Variants in NFKB1 observed in about 807,000 individuals in gnomAD.
NFKB1 encodes nuclear factor NF-kappa-B p105 subunit.
NFKB1 carries 9 observed loss-of-function variants against 105.1 expected under a neutral mutation model. The observed-to-expected ratio is 0.09, with a 90% confidence interval of 0.05 to 0.15. The LOEUF (loss-of-function observed/expected upper bound fraction) is 0.15, where lower values mean the gene tolerates loss of function less well. Among genes scored for constraint, NFKB1 ranks in the 10% least tolerant of loss-of-function variants. NFKB1 has a pLI of 1.00. For missense variants in NFKB1, 830 were observed against 1,203.7 expected (o/e 0.69, Z 4.59); for synonymous variants, 440 against 442.2 (o/e 1.00, Z 0.06).
At chr4:102,536,206 C>G (rs1223067227) in intron 4 of NFKB1, among the ~76,000 whole-genome samples, 1 of 152,036 alleles carries the variant, frequency 6.6e-6, no homozygotes, top group East Asian at 1.9e-4. Context: ...TGTTTGCTTA[C>G]AAAAGGCATA....
chr4:102,527,267 C>T (rs758598016), intron 2 of NFKB1, among the ~76,000 whole-genome samples: 6 of 152,160 alleles, frequency 3.9e-5, no homozygotes, highest in Non-Finnish European at 5.9e-5. Context: ...TAATAAGCAG[C>T]ATCACTAGGT....
At chr4:102,579,206 C>G (rs761847488) in intron 8 of NFKB1, among the ~76,000 whole-genome samples, 167 bp downstream of exon 8, 1 of 152,084 alleles carries the variant, frequency 6.6e-6, no homozygotes, top group Non-Finnish European at 1.5e-5. Context: ...AGGTTGATGT[C>G]CAGGTTAAAT....
At chr4:102,521,625 T>A (rs567922845) in intron 1 of NFKB1, among the ~76,000 whole-genome samples, 9 of 152,310 alleles carry the variant, frequency 5.9e-5, no homozygotes, top group Non-Finnish European at 1.0e-4. Flanking sequence ...AGTGTGAATA[T>A]CTCTGATCCT....
chr4:102,504,054 G>C (rs1394372627), intron 1 of NFKB1, among the ~76,000 whole-genome samples: 1 of 152,190 alleles, frequency 6.6e-6, no homozygotes, highest in Non-Finnish European at 1.5e-5. Flanking sequence ...GTTCAGAAGA[G>C]GTGAAAGTTC....
chr4:102,544,237 T>C (rs990804600), intron 5 of NFKB1, among the ~76,000 whole-genome samples: 3 of 152,232 alleles, frequency 2.0e-5, no homozygotes, highest in Non-Finnish European at 4.4e-5. Context: ...ATAGCAGCTA[T>C]CTTTTTAAAT....
intron 23 of NFKB1, among the ~76,000 whole-genome samples, chr4:102,615,104 C>T (rs230547): frequency 0.12 from 17,621 of 152,058 alleles, 1,166 homozygotes; most frequent in East Asian, 0.28. Context: ...GCCCAACAGA[C>T]GGTATGATTC....
chr4:102,612,628 T>G (rs1728532176), intron 22 of NFKB1, 22 bp downstream of exon 22: 1 of 1,605,210 alleles, frequency 6.2e-7, no homozygotes. Flanking sequence ...CCTTACAGAT[T>G]TAGCAATTTT....
At chr4:102,612,178 C>A (rs1728483963) in intron 21 of NFKB1, 68 bp downstream of exon 21, 1 of 1,369,156 alleles carries the variant, frequency 7.3e-7, no homozygotes, top group Non-Finnish European at 1.0e-6. Context: ...AAGGGAGGAA[C>A]CAGCATTATC....
intron 9 of NFKB1, 36 bp from the exon 10 acceptor site, chr4:102,582,830 A>G: frequency 7.5e-7 from 1 of 1,334,194 alleles, no homozygotes; most frequent in East Asian, 2.3e-5. Context: ...TATTTACACT[A>G]TGTGAAATTA....
At chr4:102,556,277 A>G (rs1406765063) in intron 5 of NFKB1, among the ~76,000 whole-genome samples, 3 of 152,214 alleles carry the variant, frequency 2.0e-5, no homozygotes, top group Non-Finnish European at 4.4e-5. Context: ...AAACAGCTGG[A>G]AATTTTGCAC....
intron 23 of NFKB1, 75 bp from the exon 24 acceptor site, chr4:102,616,359 G>A (rs1290475485): frequency 1.5e-5 from 23 of 1,520,860 alleles, no homozygotes; most frequent in Non-Finnish European, 2.0e-5. Context: ...GTGGGCAAGA[G>A]TTGTCCACAG....
rs191513987 is a variant in NFKB1, at chr4:102,536,838, G to A, written c.160-1020G>A. On this transcript the variant is annotated intron_variant, in intron 4 of 23. Transcript: ENST00000226574. Reference sequence around the variant, plus strand: ...ACGTATTTTCTTTTCACCAAAAAGTGAATCTGTAAAAAGAAAATCATCTGC... The same window carrying A: ...ACGTATTTTCTTTTCACCAAAAAGTAAATCTGTAAAAAGAAAATCATCTGC... 2.6e-5 allele frequency among the ~76,000 whole-genome samples: 4 copies of A among 152,224 alleles called. No individual in the cohort carries two copies. In the East Asian group the frequency reaches 7.7e-4, roughly 29 times the overall value.
chr4:102,541,045 CTT>C (rs1427454749), intron 5 of NFKB1, among the ~76,000 whole-genome samples: 1 of 152,136 alleles, frequency 6.6e-6, no homozygotes, highest in Non-Finnish European at 1.5e-5. Flanking sequence ...GTTTCTCAAA[CTT>C]GGCATTATTG....
At chr4:102,598,560 AG>A (rs1726843234) in intron 15 of NFKB1, among the ~76,000 whole-genome samples, 1 of 152,234 alleles carries the variant, frequency 6.6e-6, no homozygotes, top group South Asian at 2.1e-4. Context: ...AACGTAACCA[AG>A]GATGTGGTAT....
intron 1 of NFKB1, among the ~76,000 whole-genome samples, chr4:102,503,735 G>A (rs949175529): frequency 6.6e-6 from 1 of 152,120 alleles, no homozygotes; most frequent in Non-Finnish European, 1.5e-5. Flanking sequence ...TGATTGAGTT[G>A]ATTAAAGCAC....
At chr4:102,601,369 A>G (rs1424831171) in intron 16 of NFKB1, among the ~76,000 whole-genome samples, 3 of 152,246 alleles carry the variant, frequency 2.0e-5, no homozygotes, top group African/African-American at 7.2e-5. Flanking sequence ...CCAGTAATTT[A>G]TAATAATTTT....
At chr4:102,587,868 A>ACT (rs1560698901) in intron 11 of NFKB1, among the ~76,000 whole-genome samples, 1 of 151,942 alleles carries the variant, frequency 6.6e-6, no homozygotes, top group African/African-American at 2.4e-5. Context: ...TCAGAAAAGT[A>ACT]GTAGGCCATT....
Position 102,539,062 on chromosome 4 carries a change from C to T in NFKB1, c.258+1106C>T, listed in dbSNP as rs535978241. ...GACCAGCCTGGCCAATATGGTGAAA[C>T]CCCATCTCTACTAAAAATACAAAAA... On this transcript the variant is annotated intron_variant, in intron 5 of 23. Transcript: ENST00000226574. Among the ~76,000 whole-genome samples, 22 of 151,918 alleles carry T rather than the reference C, an allele frequency of 1.4e-4. No homozygotes were observed. The South Asian group carries it at 3.7e-3, about 26-fold the overall frequency.
Position 102,537,917 on chromosome 4 carries a change from C to T in NFKB1, c.219C>T (p.Ala73=), listed in dbSNP as rs4648003. ...CATCCCATGGTGGACTACCTGGTGC[C>T]TCTAGTGAAAAGAACAAGAAGTCTT... ...EGPSHGGLPG[A]SSEKNKKSYP... Residue 73 remains alanine (A), a synonymous_variant, in exon 5 of 24, where the codon GCC becomes GCT. Transcript: ENST00000226574. 1.1e-4 allele frequency: 178 copies of T among 1,612,494 alleles called. 1 individual carries two copies. In the African/African-American group the frequency reaches 1.2e-3, roughly 11 times the overall value.
Sources: allele counts gnomAD v4.1 joint callset (sites outside exome capture counted in the v4.1 genomes callset), GRCh38; gene constraint gnomAD v4.1.1; transcripts MANE v1.5; gene names NCBI Gene and HGNC (gene_info 2026-07-23, HGNC 2026-07-21).